Variants in EGFLAM observed in about 807,000 individuals in gnomAD.
EGFLAM encodes pikachurin.
A neutral mutation model predicts 113.1 loss-of-function variants in EGFLAM; 79 were observed. The observed-to-expected ratio is 0.70, with a 90% CI of 0.58 to 0.84. The LOEUF (loss-of-function observed/expected upper bound fraction) is 0.84, where lower values mean the gene tolerates loss of function less well. Among genes scored for constraint, EGFLAM ranks in the 40% least tolerant of loss-of-function variants. The pLI, the probability that EGFLAM is intolerant of heterozygous loss-of-function variation, is 0.00. For missense variants in EGFLAM, 1,265 were observed against 1,291.6 expected (o/e 0.98, Z 0.32); for synonymous variants, 504 against 487.6 (o/e 1.03, Z -0.44).
chr5:38,385,697 T>G (rs962548848), intron 6 of EGFLAM, among the ~76,000 whole-genome samples: 3 of 152,246 alleles, frequency 2.0e-5, no homozygotes, highest in African/African-American at 7.2e-5. Context: ...ACTTTGTATT[T>G]TCTCATACCC....
At chr5:38,332,061 G>A (rs1739056715) in intron 1 of EGFLAM, among the ~76,000 whole-genome samples, 2 of 152,146 alleles carry the variant, frequency 1.3e-5, no homozygotes, top group African/African-American at 4.8e-5. Context: ...TGAGAGTCCT[G>A]TTGCTCCACA....
At chr5:38,431,403 C>A in intron 15 of EGFLAM, 115 bp downstream of exon 15, 3 of 1,002,018 alleles carry the variant, frequency 3.0e-6, no homozygotes, top group Non-Finnish European at 4.4e-6. Context: ...ACTTCAGTGC[C>A]TGTGTGGAAA....
At chr5:38,265,610 C>T (rs772113599) in intron 1 of EGFLAM, among the ~76,000 whole-genome samples, 3 of 152,212 alleles carry the variant, frequency 2.0e-5, no homozygotes, top group Non-Finnish European at 4.4e-5. Context: ...GTGGACCTCG[C>T]CTTCGAGGAA....
At chr5:38,338,025 G>A (rs927133816) in intron 2 of EGFLAM, among the ~76,000 whole-genome samples, 2 of 152,222 alleles carry the variant, frequency 1.3e-5, no homozygotes, top group South Asian at 2.1e-4. Flanking sequence ...AATGGAGGAA[G>A]CACCAGAGAA....
chr5:38,335,240 T>A (rs757113157), intron 1 of EGFLAM, among the ~76,000 whole-genome samples: 6 of 152,210 alleles, frequency 3.9e-5, no homozygotes, highest in Non-Finnish European at 5.9e-5. Context: ...TAGGTATCCA[T>A]CCTAGAAACA....
chr5:38,343,674 C>T (rs1343733986), intron 3 of EGFLAM, among the ~76,000 whole-genome samples: 5 of 152,162 alleles, frequency 3.3e-5, no homozygotes, highest in African/African-American at 9.7e-5. Flanking sequence ...CAGCCGTCCT[C>T]AGTGCATTGG....
At chr5:38,391,440 C>T (rs934121058) in intron 6 of EGFLAM, among the ~76,000 whole-genome samples, 1 of 151,262 alleles carries the variant, frequency 6.6e-6, no homozygotes, top group Non-Finnish European at 1.5e-5. Context: ...CTCTGTCACC[C>T]AGGCTGGAGT....
rs1244643675 is a variant in EGFLAM at position 38,258,822 on chromosome 5, T to A, written c.68T>A (p.Val23Glu). Residue 23 changes from valine to glutamate, a missense_variant, in exon 1 of 22, where the codon GTG becomes GAG. Coordinates refer to ENST00000322350, the MANE Select transcript of EGFLAM (RefSeq NM_152403.4). The stretch of plus-strand genomic sequence containing the variant: ...GCTTCCAGCCTCGGACCCGGCGCGG[T>A]GTCGCTCCGAGCGGCCATCCGAAAA... ...LLASSLGPGA[V>E]SLRAAIRKPG... 1 of 1,612,046 alleles carries A rather than the reference T, an allele frequency of 6.2e-7. No individual in the cohort carries two copies. Among genetic ancestry groups the A allele is most frequent in the East Asian group, 2.2e-5 (1 of 44,808 alleles).
chr5:38,265,769 C>T (rs1271083923), intron 1 of EGFLAM, among the ~76,000 whole-genome samples: 3 of 152,244 alleles, frequency 2.0e-5, no homozygotes, highest in Non-Finnish European at 4.4e-5. Context: ...GCTGGCTCTG[C>T]GCGGGTCTCC....
chr5:38,351,547 G>A (rs991622173), intron 4 of EGFLAM, among the ~76,000 whole-genome samples: 7 of 152,174 alleles, frequency 4.6e-5, no homozygotes, highest in African/African-American at 1.7e-4. Context: ...TTGCTAGGAA[G>A]AAAAGACAGG....
rs932015930 is a variant in EGFLAM at position 38,376,764 on chromosome 5, G to A, written c.712+6302G>A. Among the ~76,000 whole-genome samples the A allele has an allele frequency of 9.2e-5, 14 of 152,040 alleles. 1 individual carries two copies. Among genetic ancestry groups the A allele is most frequent in the Admixed American group, 2.0e-4 (3 of 15,274 alleles). ...CAGTTCACTGCAACCTCCACCTCCC[G>A]GGCTCAAGTGATCCTCCCACCTCAG... On this transcript the variant is annotated intron_variant, in intron 6 of 21. Transcript: ENST00000322350.
chr5:38,326,604 T>A (rs1738890822), intron 1 of EGFLAM, among the ~76,000 whole-genome samples: 1 of 151,842 alleles, frequency 6.6e-6, no homozygotes. Context: ...GTTCATGCCA[T>A]TCTCCTGCCT....
At chr5:38,365,265 T>C (rs1740029709) in intron 5 of EGFLAM, among the ~76,000 whole-genome samples, 1 of 152,192 alleles carries the variant, frequency 6.6e-6, no homozygotes, top group African/African-American at 2.4e-5. Context: ...CTCTCACGCA[T>C]AGTAAAAAGG....
rs777449924 is a variant in EGFLAM, at chr5:38,350,553, C to T, written c.344C>T (p.Ala115Val). 1.9e-6 allele frequency: 3 copies of T among 1,614,096 alleles called. No individual in the cohort carries two copies. Among genetic ancestry groups the T allele is most frequent in the South Asian group, 1.1e-5 (1 of 91,038 alleles). The change falls in exon 4 of 22, where the codon GCA becomes GTA. Residue 115 changes from alanine (A) to valine (V), a missense_variant. Physicochemically the swap from Ala to Val is moderately conservative, Grantham distance 64. Coordinates refer to ENST00000322350, the MANE Select transcript of EGFLAM (RefSeq NM_152403.4). ...KPGTEYRVSIAAYSQAGKGRL... is the reference protein window; with the variant it reads ...KPGTEYRVSIVAYSQAGKGRL... ...GGCACTGAATATCGTGTGAGCATAG[C>T]AGCTTACAGCCAGGCTGGCAAAGGG...
At chr5:38,385,464 C>T (rs1399702710) in intron 6 of EGFLAM, among the ~76,000 whole-genome samples, 4 of 152,022 alleles carry the variant, frequency 2.6e-5, no homozygotes, top group African/African-American at 4.8e-5. Context: ...CATTTATATA[C>T]TGTATTGTTT....
chr5:38,367,126 G>C (rs1740081163), intron 5 of EGFLAM, among the ~76,000 whole-genome samples: 1 of 152,104 alleles, frequency 6.6e-6, no homozygotes, highest in South Asian at 2.1e-4. Context: ...TGTATGCCCT[G>C]CTGGTGGCTG....
chr5:38,278,639 C>G (rs1000905721), intron 1 of EGFLAM, among the ~76,000 whole-genome samples: 1 of 152,042 alleles, frequency 6.6e-6, no homozygotes, highest in Non-Finnish European at 1.5e-5. Flanking sequence ...CAGGTGCATA[C>G]CACCACACCT....
intron 6 of EGFLAM, among the ~76,000 whole-genome samples, chr5:38,374,608 T>C (rs1297080239): frequency 1.3e-5 from 2 of 152,094 alleles, no homozygotes; most frequent in African/African-American, 2.4e-5. Flanking sequence ...CAGGAGCAAT[T>C]TGGGGAGGCT....
chr5:38,438,207 G>T, intron 16 of EGFLAM, 68 bp from the exon 17 acceptor site: 1 of 1,516,916 alleles, frequency 6.6e-7, no homozygotes, highest in Non-Finnish European at 8.9e-7. Flanking sequence ...AATTTGCCAA[G>T]GGAAGCTTTA....
Sources: allele counts gnomAD v4.1 joint callset (sites outside exome capture counted in the v4.1 genomes callset), GRCh38; gene constraint gnomAD v4.1.1; transcripts MANE v1.5; gene names NCBI Gene and HGNC (gene_info 2026-07-23, HGNC 2026-07-21).